The following SLC44A5 variants were observed in gnomAD, a reference collection of about 807,000 sequenced individuals.
SLC44A5 encodes solute carrier family 44 member 5, also known as choline transporter-like protein 5.
A neutral mutation model predicts 101.8 loss-of-function variants in SLC44A5; 57 were observed. The ratio of observed to expected loss-of-function variants is 0.56; its 90% CI spans 0.45 to 0.70. SLC44A5 has a LOEUF of 0.70. SLC44A5 is among the 30% of genes least tolerant of loss of function. The pLI is 0.00. For synonymous variants in SLC44A5, 281 were observed against 290.9 expected (o/e 0.97, Z 0.35); for missense variants, 737 against 853.1 (o/e 0.86, Z 1.70).
At chr1:75,257,598 T>G (rs933083197) in intron 6 of SLC44A5, among the ~76,000 whole-genome samples, 5 of 152,082 alleles carry the variant, frequency 3.3e-5, no homozygotes, top group African/African-American at 1.2e-4. Context: ...CACAAACTCC[T>G]GCAATTCTAG....
intron 3 of SLC44A5, among the ~76,000 whole-genome samples, chr1:75,350,898 A>C (rs1274896431): frequency 6.6e-6 from 1 of 151,038 alleles, no homozygotes; most frequent in Admixed American, 6.6e-5. Context: ...CATCTCAAAA[A>C]AAAAAAAAAA....
At chr1:75,599,848 G>C (rs902524168) in intron 1 of SLC44A5, among the ~76,000 whole-genome samples, 9 of 152,106 alleles carry the variant, frequency 5.9e-5, no homozygotes, top group Non-Finnish European at 1.2e-4. Context: ...AATGAACCTG[G>C]AAGGGTAATC....
chr1:75,503,923 G>A (rs1342337986), intron 2 of SLC44A5, among the ~76,000 whole-genome samples: 1 of 152,098 alleles, frequency 6.6e-6, no homozygotes, highest in Non-Finnish European at 1.5e-5. Flanking sequence ...CTGAGGAAAT[G>A]TAGGATATTT....
At position 75,275,029 on chromosome 1, in the gene SLC44A5, C is replaced by G. The variant is rs780393324; in HGVS notation, c.189G>C (p.Gly63=). The change falls in exon 6 of 24, where the codon GGG becomes GGC. Residue 63 remains glycine, a synonymous_variant. Coordinates refer to ENST00000370859, the MANE Select transcript of SLC44A5 (RefSeq NM_001130058.2). ...IVLGLVAWVH[G]DPRRAAYPTD... The stretch of plus-strand genomic sequence containing the variant: ...TAGGATAGGCTGCTCTTCTGGGGTC[C>G]CCATGTACCCAGGCTGCAGGAACAA... 1 of 1,612,566 alleles carries G rather than the reference C, an allele frequency of 6.2e-7. No homozygotes were observed. Among genetic ancestry groups the G allele is most frequent in the South Asian group, 1.1e-5 (1 of 90,934 alleles).
the SLC44A5 span, among the ~76,000 whole-genome samples, chr1:75,687,516 C>A: frequency 6.6e-6 from 1 of 151,994 alleles, no homozygotes; most frequent in Non-Finnish European, 1.5e-5. Context: ...GTTGGCCAGG[C>A]TAGTCTTGAA....
chr1:75,387,185 G>T (rs1251262268), intron 3 of SLC44A5, among the ~76,000 whole-genome samples: 2 of 152,110 alleles, frequency 1.3e-5, no homozygotes, highest in Non-Finnish European at 2.9e-5. Flanking sequence ...AAAAGCAACG[G>T]CAACAAAAGC....
intron 4 of SLC44A5, among the ~76,000 whole-genome samples, chr1:75,307,453 A>T (rs1654998052): frequency 6.6e-6 from 1 of 152,192 alleles, no homozygotes. Flanking sequence ...CTTTGGGGCC[A>T]TCTTTCAAGC....
chr1:75,537,532 A>T (rs1450886496), intron 2 of SLC44A5, among the ~76,000 whole-genome samples: 1 of 152,220 alleles, frequency 6.6e-6, no homozygotes, highest in Non-Finnish European at 1.5e-5. Context: ...AAAGAAATGC[A>T]TGTTTGATGC....
chr1:75,718,251 T>C, the SLC44A5 span, among the ~76,000 whole-genome samples: 3,083 of 152,238 alleles, frequency 0.02, 104 homozygotes, highest in African/African-American at 0.071. Context: ...TAACTGGACA[T>C]GCTAAATGGG....
the SLC44A5 span, among the ~76,000 whole-genome samples, chr1:75,714,058 A>T: frequency 1.3e-5 from 2 of 151,864 alleles, no homozygotes; most frequent in African/African-American, 4.8e-5. Context: ...TTGGCCTCCC[A>T]AAGTGCTGAG....
At chr1:75,241,496 AG>A (rs1648626414) in intron 9 of SLC44A5, among the ~76,000 whole-genome samples, 1 of 152,100 alleles carries the variant, frequency 6.6e-6, no homozygotes, top group South Asian at 2.1e-4. Context: ...CTGGGATTAC[AG>A]GCATGAGCCC....
At chr1:75,599,566 T>C (rs1258741963) in intron 1 of SLC44A5, among the ~76,000 whole-genome samples, 1 of 152,140 alleles carries the variant, frequency 6.6e-6, no homozygotes, top group Non-Finnish European at 1.5e-5. Context: ...CAGAGGTATA[T>C]GAAAGATGTT....
At chr1:75,248,489 T>C (rs1649305243) in intron 7 of SLC44A5, among the ~76,000 whole-genome samples, 2 of 152,092 alleles carry the variant, frequency 1.3e-5, no homozygotes, top group African/African-American at 4.8e-5. Flanking sequence ...TAGACGAAGA[T>C]AGGCAGGCAA....
At chr1:75,660,415 C>A in the SLC44A5 span, among the ~76,000 whole-genome samples, 1 of 151,952 alleles carries the variant, frequency 6.6e-6, no homozygotes, top group African/African-American at 2.4e-5. Context: ...TCCTCTAATA[C>A]CTGGAATAAG....
intron 3 of SLC44A5, among the ~76,000 whole-genome samples, chr1:75,355,118 T>C (rs1658972087): frequency 6.6e-6 from 1 of 152,212 alleles, no homozygotes. Flanking sequence ...ACTTTTAAAG[T>C]ATGGAATTCT....
intron 2 of SLC44A5, among the ~76,000 whole-genome samples, chr1:75,458,669 T>C (rs1666325301): frequency 6.6e-6 from 1 of 152,110 alleles, no homozygotes; most frequent in South Asian, 2.1e-4. Flanking sequence ...GGAAAAGGAA[T>C]CAAGGATACT....
intron 2 of SLC44A5, among the ~76,000 whole-genome samples, chr1:75,414,866 G>T (rs1663535965): frequency 6.6e-6 from 1 of 152,154 alleles, no homozygotes; most frequent in Admixed American, 6.5e-5. Context: ...ATAGTAAGAA[G>T]ACTTTATGTG....
chr1:75,436,885 T>C (rs891243859), intron 2 of SLC44A5, among the ~76,000 whole-genome samples: 2 of 152,110 alleles, frequency 1.3e-5, no homozygotes, highest in African/African-American at 2.4e-5. Flanking sequence ...TAAACTTTTT[T>C]GTTAAAAGCT....
intron 2 of SLC44A5, among the ~76,000 whole-genome samples, chr1:75,479,358 A>C (rs1039744107): frequency 2.0e-5 from 3 of 152,242 alleles, no homozygotes; most frequent in African/African-American, 7.2e-5. Context: ...AAGCAAGAGC[A>C]AACACATTCA....
Sources: allele counts gnomAD v4.1 joint callset (sites outside exome capture counted in the v4.1 genomes callset), GRCh38; gene constraint gnomAD v4.1.1; transcripts MANE v1.5; gene names NCBI Gene and HGNC (gene_info 2026-07-23, HGNC 2026-07-21).